The following INTS13 variants were observed in gnomAD, a reference collection of about 807,000 sequenced individuals.
INTS13 encodes integrator complex subunit 13.
Under a neutral mutation model 90.2 loss-of-function variants are expected in INTS13, and 35 were observed. The observed-to-expected ratio is 0.39, with a 90% confidence interval of 0.30 to 0.51. INTS13 has a LOEUF of 0.51. Among genes scored for constraint, INTS13 ranks in the 20% least tolerant of loss-of-function variants. INTS13 has a pLI of 0.80. For synonymous variants in INTS13, 309 were observed against 277.1 expected, an observed-to-expected ratio of 1.11 and a Z score of -1.14; for missense variants, 601 against 851.2, an observed-to-expected ratio of 0.71 and a Z score of 3.66.
intron 7 of INTS13, among the ~76,000 whole-genome samples, chr12:26,923,551 T>C (rs1051811047): frequency 1.1e-4 from 16 of 152,328 alleles, no homozygotes; most frequent in African/African-American, 2.9e-4. Context: ...TCAATACAAT[T>C]AAATTCCATT....
At chr12:26,931,403 C>T (rs952647298) in intron 3 of INTS13, among the ~76,000 whole-genome samples, 13 of 151,850 alleles carry the variant, frequency 8.6e-5, no homozygotes, top group Non-Finnish European at 1.5e-4. Flanking sequence ...AAGATTGCGC[C>T]ACTGCACTCC....
At chr12:26,910,565 CA>C (rs1469189515) in intron 15 of INTS13, among the ~76,000 whole-genome samples, 1 of 152,142 alleles carries the variant, frequency 6.6e-6, no homozygotes, top group Non-Finnish European at 1.5e-5. Context: ...TGGCTGCTGC[CA>C]TGTGAAGAAG....
chr12:26,906,565 A>G, intron 15 of INTS13, 128 bp from the exon 16 acceptor site: 1 of 1,000,332 alleles, frequency 1.0e-6, no homozygotes, highest in Non-Finnish European at 1.5e-6. Flanking sequence ...TTAATTCTGT[A>G]GTTCATTTTA....
intron 8 of INTS13, among the ~76,000 whole-genome samples, chr12:26,920,702 A>G (rs1481106262): frequency 1.3e-5 from 2 of 152,114 alleles, no homozygotes; most frequent in East Asian, 3.8e-4. Context: ...CCATTTTTGT[A>G]AGTTTTTAAA....
In INTS13 at chr12:26,906,297, C is replaced by T. The variant is rs1592190783; in HGVS notation, c.2081+5G>A. Reference sequence around the variant, plus strand: ...AAACCAATTTTGACAATAAGTAACACAAACCCATTTTCCTCTTTAAGATGT... The same window carrying T: ...AAACCAATTTTGACAATAAGTAACATAAACCCATTTTCCTCTTTAAGATGT... On this transcript the variant is annotated splice_donor_5th_base_variant and intron_variant, in intron 16 of 16. Coordinates refer to ENST00000261191, the MANE Select transcript of INTS13 (RefSeq NM_018164.3). 2 of 1,596,776 alleles carry T rather than the reference C, an allele frequency of 1.3e-6. No homozygotes were observed. The highest frequency in any genetic ancestry group is 1.7e-6 in the Non-Finnish European group (2 of 1,172,282).
chr12:26,925,673 T>G, intron 6 of INTS13, 88 bp downstream of exon 6: 3 of 1,078,140 alleles, frequency 2.8e-6, no homozygotes, highest in Non-Finnish European at 2.7e-6. Context: ...CAGAAAATAT[T>G]GGCAATGGAT....
chr12:26,915,935 A>G, intron 11 of INTS13, 67 bp downstream of exon 11: 2 of 1,191,078 alleles, frequency 1.7e-6, no homozygotes, highest in Non-Finnish European at 2.3e-6. Context: ...TTTAACGAGC[A>G]CTCGATAACT....
intron 15 of INTS13, among the ~76,000 whole-genome samples, chr12:26,907,322 C>A (rs1378856434): frequency 6.6e-6 from 1 of 152,096 alleles, no homozygotes; most frequent in Non-Finnish European, 1.5e-5. Flanking sequence ...ACATAGTCAA[C>A]TAATTTCTGA....
In INTS13 at chr12:26,913,675, G is replaced by A; in HGVS notation, c.1587C>T (p.Tyr529=). Residue 529 remains tyrosine, a synonymous_variant, in exon 14 of 17, where the codon TAC becomes TAT. Coordinates refer to ENST00000261191, the MANE Select transcript of INTS13 (RefSeq NM_018164.3). The stretch of plus-strand genomic sequence containing the variant: ...TTTCTAATTCATTCCACATGATACG[G>A]TATTGTTCATCTCTGCAGCAAAGAT... ...RGKGPKRDEQ[Y]RIMWNELETL... The A allele has an allele frequency of 1.2e-6, 2 of 1,611,630 alleles. No homozygotes were observed. The highest frequency in any genetic ancestry group is 1.7e-6 in the Non-Finnish European group (2 of 1,178,578).
chr12:26,919,038 C>A, intron 8 of INTS13: 1 of 400,150 alleles, frequency 2.5e-6, no homozygotes, highest in Non-Finnish European at 5.1e-6. Flanking sequence ...TCGTGGTATG[C>A]ACCTGCAGTC....
At chr12:26,919,057 T>C (rs1313310414) in intron 8 of INTS13, 2 of 394,796 alleles carry the variant, frequency 5.1e-6, no homozygotes, top group South Asian at 1.9e-5. Flanking sequence ...TCCCAGCTAC[T>C]CCGGAGGCTG....
chr12:26,924,581 T>G, intron 6 of INTS13, 98 bp from the exon 7 acceptor site: 1 of 1,323,238 alleles, frequency 7.6e-7, no homozygotes, highest in Middle Eastern at 2.1e-4. Flanking sequence ...ATTAAGTATT[T>G]TTAACTTTTT....
chr12:26,914,192 G>A (rs1459973473), intron 12 of INTS13, 64 bp from the exon 13 acceptor site: 21 of 1,410,084 alleles, frequency 1.5e-5, no homozygotes, highest in Middle Eastern at 5.2e-4. Flanking sequence ...AAAACATCTA[G>A]GCAGAACTTG....
chr12:26,908,518 T>G (rs993535903), intron 15 of INTS13, among the ~76,000 whole-genome samples: 1 of 151,360 alleles, frequency 6.6e-6, no homozygotes, highest in Non-Finnish European at 1.5e-5. Context: ...CCAATCTATA[T>G]CAACAAATGG....
intron 3 of INTS13, among the ~76,000 whole-genome samples, chr12:26,933,980 T>A (rs1053715927): frequency 2.6e-5 from 4 of 152,166 alleles, no homozygotes; most frequent in African/African-American, 9.7e-5. Context: ...AATGCCAACA[T>A]GAAACTTTGA....
chr12:26,911,348 G>C, intron 14 of INTS13, 31 bp from the exon 15 acceptor site: 1 of 1,574,264 alleles, frequency 6.4e-7, no homozygotes, highest in Non-Finnish European at 8.6e-7. Context: ...GAAATGTAAA[G>C]TTCAAATTTT....
In INTS13 at chr12:26,918,272, A is replaced by G. The variant is rs541116476; in HGVS notation, c.890-539T>C. Among the ~76,000 whole-genome samples, 51 of 152,304 alleles carry G rather than the reference A, an allele frequency of 3.3e-4. 1 individual carries two copies. Among genetic ancestry groups the G allele is most frequent in the African/African-American group, 1.1e-3 (47 of 41,572 alleles). On this transcript the variant is annotated intron_variant, in intron 8 of 16. Transcript: ENST00000261191. Reference sequence around the variant, plus strand: ...ATTAAAAGTTCACTTAAAAACAACAATGAAAAAAATGTCAGAGAAACACTA... The same window carrying G: ...ATTAAAAGTTCACTTAAAAACAACAGTGAAAAAAATGTCAGAGAAACACTA...
At chr12:26,910,795 A>T (rs1951748343) in intron 15 of INTS13, among the ~76,000 whole-genome samples, 1 of 152,184 alleles carries the variant, frequency 6.6e-6, no homozygotes, top group Admixed American at 6.6e-5. Context: ...TCACATACAC[A>T]ACAATATTAA....
chr12:26,933,630 GA>G (rs1318009670), intron 3 of INTS13, among the ~76,000 whole-genome samples: 1 of 151,780 alleles, frequency 6.6e-6, no homozygotes, highest in Non-Finnish European at 1.5e-5. Flanking sequence ...AAAAAGAGAG[GA>G]AAAAAAATGG....
Sources: gnomAD v4.1 joint callset for allele counts (sites outside exome capture counted in the v4.1 genomes callset) on GRCh38, gnomAD v4.1.1 for gene constraint, MANE v1.5 for transcripts, NCBI Gene and HGNC (gene_info 2026-07-23, HGNC 2026-07-21) for gene names.